SLC26A8: variants seen among roughly 807,000 people sequenced by gnomAD.
The protein encoded by SLC26A8 is testis anion transporter 1.
In SLC26A8, 70 loss-of-function variants were observed where a neutral mutation model predicts 105.0. The ratio of observed to expected loss-of-function variants is 0.67; its 90% CI spans 0.55 to 0.81. SLC26A8 has a LOEUF of 0.81. Among genes scored for constraint, SLC26A8 ranks in the 40% least tolerant of loss-of-function variants. The probability of loss-of-function intolerance (pLI) is 0.00; values close to 1 mark genes in which losing one functional copy is unlikely to be tolerated. For missense variants in SLC26A8, 998 were observed against 1,181.8 expected (o/e 0.84, Z 2.28); for synonymous variants, 415 against 438.3 (o/e 0.95, Z 0.66).
intron 3 of SLC26A8, among the ~76,000 whole-genome samples, chr6:36,010,473 T>C (rs1761822590): frequency 6.6e-6 from 1 of 151,712 alleles, no homozygotes; most frequent in Admixed American, 6.6e-5. Flanking sequence ...GAGAGAGTTC[T>C]GGAGGTGATG....
chr6:36,014,780 C>T (rs1326193033), intron 2 of SLC26A8, among the ~76,000 whole-genome samples: 2 of 151,888 alleles, frequency 1.3e-5, no homozygotes, highest in Non-Finnish European at 1.5e-5. Context: ...GCAGAAGAAT[C>T]GCTTGAACCC....
Position 35,977,124 on chromosome 6 carries a change from A to G in SLC26A8, c.1173+80T>C, listed in dbSNP as rs535024069. ...GTCCAAGTGGCTCTTCAGTTAAAAA[A>G]GACTCCTGCTTCATGTTGGCAGGAG... On this transcript the variant is annotated intron_variant, in intron 9 of 19. Coordinates refer to ENST00000490799, the MANE Select transcript of SLC26A8 (RefSeq NM_052961.4). The G allele has an allele frequency of 1.1e-4, 157 of 1,482,162 alleles. 1 individual carries two copies. The highest frequency in any genetic ancestry group is 4.8e-4 in the Admixed American group (22 of 45,538). The allele number at this position is 1,482,162 out of a possible 1,614,324, so 91.8% of individuals were successfully genotyped here.
At chr6:36,017,502 C>A (rs992557770) in intron 2 of SLC26A8, among the ~76,000 whole-genome samples, 10 of 152,026 alleles carry the variant, frequency 6.6e-5, no homozygotes, top group Non-Finnish European at 1.5e-4. Context: ...CGTGGTGGCA[C>A]CTGCCTGTAG....
intron 3 of SLC26A8, among the ~76,000 whole-genome samples, chr6:36,008,161 G>A (rs1229481569): frequency 6.6e-6 from 1 of 151,708 alleles, no homozygotes; most frequent in East Asian, 1.9e-4. Flanking sequence ...CGGGCATGGT[G>A]GCTCATGCCT....
At chr6:36,006,353 C>T (rs1336659949) in intron 3 of SLC26A8, among the ~76,000 whole-genome samples, 1 of 152,192 alleles carries the variant, frequency 6.6e-6, no homozygotes, top group Non-Finnish European at 1.5e-5. Context: ...CTCCTGACCT[C>T]AAGTGATTCA....
Position 35,991,773 on chromosome 6 carries a change from C to T in SLC26A8, c.828G>A (p.Ala276=), listed in dbSNP as rs749676353. Residue 276 remains alanine (A), a synonymous_variant, in exon 7 of 20, where the codon GCG becomes GCA. Coordinates refer to ENST00000490799, the MANE Select transcript of SLC26A8 (RefSeq NM_052961.4). ...GAAATACTAGAATGCTGGTGGAATT[C>T]GCTTTTGGGAGAGCTACACAGTAAT... ...IINYCVALPK[A]NSTSILVFLT... The T allele has an allele frequency of 5.6e-6, 9 of 1,603,090 alleles. No homozygotes were observed. The highest frequency in any genetic ancestry group is 7.7e-6 in the Non-Finnish European group (9 of 1,176,326).
intron 7 of SLC26A8, among the ~76,000 whole-genome samples, chr6:35,989,041 C>A (rs1382108761): frequency 6.6e-6 from 1 of 152,002 alleles, no homozygotes; most frequent in Non-Finnish European, 1.5e-5. Context: ...GGTGTTTCAC[C>A]ATGTTGGCCA....
chr6:35,965,755 C>G (rs1772487611), intron 11 of SLC26A8, among the ~76,000 whole-genome samples: 1 of 151,436 alleles, frequency 6.6e-6, no homozygotes, highest in African/African-American at 2.4e-5. Flanking sequence ...CTTTGGGAGG[C>G]TGAGGTGGGT....
intron 3 of SLC26A8, among the ~76,000 whole-genome samples, chr6:36,009,299 C>T (rs1023523686): frequency 2.0e-5 from 3 of 151,908 alleles, no homozygotes; most frequent in Non-Finnish European, 4.4e-5. Context: ...TGTAGTGAGC[C>T]GAGATCGTGC....
intron 5 of SLC26A8, among the ~76,000 whole-genome samples, chr6:35,996,357 A>G (rs1331660111): frequency 2.6e-5 from 4 of 152,200 alleles, no homozygotes; most frequent in African/African-American, 9.7e-5. Context: ...CAGTAGATGA[A>G]CTTTTGGTGA....
intron 19 of SLC26A8, among the ~76,000 whole-genome samples, chr6:35,947,358 G>A (rs902139643): frequency 1.3e-5 from 2 of 151,988 alleles, no homozygotes; most frequent in Non-Finnish European, 2.9e-5. Flanking sequence ...AGACACACAG[G>A]ATCCTTCTCA....
intron 5 of SLC26A8, among the ~76,000 whole-genome samples, chr6:35,994,960 C>T (rs962536352): frequency 1.3e-5 from 2 of 152,208 alleles, no homozygotes. Flanking sequence ...CTTGGAGAAT[C>T]TGGCTTCAGT....
intron 11 of SLC26A8, 47 bp downstream of exon 11, chr6:35,968,830 A>C: frequency 4.9e-5 from 59 of 1,214,268 alleles, no homozygotes; most frequent in Non-Finnish European, 6.1e-5. Context: ...GGAGCAATCC[A>C]GAGCCCTGGT....
In SLC26A8 at chr6:35,980,174, T is replaced by C. The variant is rs541241799; in HGVS notation, c.1025+1947A>G. ...TTTTAGTAGAGATGGGGTTTCACCA[T>C]GTTGGCCAGGCTGGTCTCAAACTCC... On this transcript the variant is annotated intron_variant, in intron 8 of 19. Transcript: ENST00000490799. Among the ~76,000 whole-genome samples the C allele has an allele frequency of 3.3e-5, 5 of 152,244 alleles. No homozygotes were observed. The East Asian group carries it at 5.8e-4, about 18-fold the overall frequency.
intron 10 of SLC26A8, among the ~76,000 whole-genome samples, chr6:35,969,986 A>G (rs1045652483): frequency 1.3e-5 from 2 of 152,174 alleles, no homozygotes; most frequent in Non-Finnish European, 2.9e-5. Context: ...GATAAGCCCA[A>G]TGGTCTCTGG....
At chr6:35,944,403 G>T in intron 19 of SLC26A8, 63 bp from the exon 20 acceptor site, 2 of 1,159,784 alleles carry the variant, frequency 1.7e-6, no homozygotes, top group Non-Finnish European at 2.5e-6. Context: ...GAACGCAGTG[G>T]CTCATACCTG....
intron 19 of SLC26A8, among the ~76,000 whole-genome samples, chr6:35,946,119 T>C (rs1267643633): frequency 6.6e-6 from 1 of 152,202 alleles, no homozygotes; most frequent in Non-Finnish European, 1.5e-5. Context: ...TTACCATCTA[T>C]ATGCTGATGC....
rs899354230 is a variant in SLC26A8 at position 36,006,339 on chromosome 6, C to T, written c.328+5894G>A. On this transcript the variant is annotated intron_variant, in intron 3 of 19. Transcript: ENST00000490799. ...TTTGCCATATTGGCTAGGCTGGTCT[C>T]GACCTCCTGACCTCAAGTGATTCAC... Among the ~76,000 whole-genome samples the T allele has an allele frequency of 6.6e-5, 10 of 152,120 alleles. No homozygotes were observed. The East Asian group carries it at 9.6e-4, about 15-fold the overall frequency.
At position 36,018,832 on chromosome 6, in the gene SLC26A8, C is replaced by A. The variant is rs1054256843; in HGVS notation, c.188+688G>T. 2.6e-5 allele frequency among the ~76,000 whole-genome samples: 4 copies of A among 152,130 alleles called. No individual in the cohort carries two copies. In the East Asian group the frequency reaches 7.7e-4, roughly 29 times the overall value. Reference sequence around the variant, plus strand: ...CAGAGGTGGTGGTGGTAGATTCTACCTTAGTGACCATGAGTACCACCATGT... The same window carrying A: ...CAGAGGTGGTGGTGGTAGATTCTACATTAGTGACCATGAGTACCACCATGT... On this transcript the variant is annotated intron_variant, in intron 2 of 19. Transcript: ENST00000490799.
Sources: allele counts gnomAD v4.1 joint callset (sites outside exome capture counted in the v4.1 genomes callset), GRCh38; gene constraint gnomAD v4.1.1; transcripts MANE v1.5; gene names NCBI Gene and HGNC (gene_info 2026-07-23, HGNC 2026-07-21).